Variants in IL1RAPL1 observed in about 807,000 individuals in gnomAD.
IL1RAPL1 encodes the protein interleukin-1 receptor accessory protein-like 1.
In IL1RAPL1, 3 loss-of-function variants were observed where a neutral mutation model predicts 48.4. The ratio of observed to expected loss-of-function variants is 0.06; its 90% confidence interval spans 0.03 to 0.16. IL1RAPL1 has a LOEUF of 0.16. Among genes scored for constraint, IL1RAPL1 ranks in the 10% least tolerant of loss-of-function variants. The pLI is 1.00. For synonymous variants in IL1RAPL1, 185 were observed against 187.7 expected (o/e 0.99, Z 0.12); for missense variants, 349 against 530.6 (o/e 0.66, Z 3.36).
rs565407621 is a variant in IL1RAPL1 at position 28,720,988 on chromosome X, C to G, written c.-24-68332C>G. ...ATGTGCCACATTTTCTTAATCCAGT[C>G]TATCATTGATGGACATTTGGGTTGG... On this transcript the variant is annotated intron_variant, in intron 1 of 10. Transcript: ENST00000378993. Among the ~76,000 whole-genome samples the G allele has an allele frequency of 3.2e-3, 361 of 112,374 alleles. 1 individual carries two copies. In the Middle Eastern group the frequency reaches 0.032, roughly 10 times the overall value.
At chrX:29,273,039 T>C (rs1163489697) in intron 2 of IL1RAPL1, among the ~76,000 whole-genome samples, 1 of 112,041 alleles carries the variant, frequency 8.9e-6, no homozygotes, top group Non-Finnish European at 1.9e-5. Context: ...TGTGTCTTTT[T>C]ATTGTATTCC....
chrX:29,595,169 T>A (rs1923501274), intron 5 of IL1RAPL1, among the ~76,000 whole-genome samples: 1 of 112,402 alleles, frequency 8.9e-6, no homozygotes, highest in African/African-American at 3.2e-5. Flanking sequence ...TTCCATAATT[T>A]TGCAATTGCA....
At chrX:29,805,028 A>T (rs188491329) in intron 6 of IL1RAPL1, among the ~76,000 whole-genome samples, 69 of 112,741 alleles carry the variant, frequency 6.1e-4, no homozygotes, top group African/African-American at 2.1e-3. Context: ...ATGTCCTGCT[A>T]GCTTAGGAAG....
At chrX:29,391,600 G>C (rs1296705776) in intron 3 of IL1RAPL1, among the ~76,000 whole-genome samples, 3 of 111,440 alleles carry the variant, frequency 2.7e-5, no homozygotes, top group African/African-American at 9.8e-5. Flanking sequence ...GAAAACTTGG[G>C]TCATTAAAGT....
At chrX:29,734,538 A>G (rs1928000170) in intron 6 of IL1RAPL1, among the ~76,000 whole-genome samples, 1 of 112,047 alleles carries the variant, frequency 8.9e-6, no homozygotes, top group Non-Finnish European at 1.9e-5. Context: ...GAAGAAGAAA[A>G]TGAGTTGACA....
chrX:28,762,904 A>G (rs1936194085), intron 1 of IL1RAPL1, among the ~76,000 whole-genome samples: 1 of 110,187 alleles, frequency 9.1e-6, no homozygotes, highest in Non-Finnish European at 1.9e-5. Flanking sequence ...AATTACAGAA[A>G]TGAGGTATTT....
chrX:29,248,247 C>A (rs1224276190), intron 2 of IL1RAPL1, among the ~76,000 whole-genome samples: 4 of 110,707 alleles, frequency 3.6e-5, no homozygotes, highest in Non-Finnish European at 7.6e-5. Flanking sequence ...GAAACCCCCT[C>A]CCTACTAAAA....
chrX:29,792,566 A>G (rs1929661287), intron 6 of IL1RAPL1, among the ~76,000 whole-genome samples: 1 of 111,315 alleles, frequency 9.0e-6, no homozygotes, highest in Non-Finnish European at 1.9e-5. Flanking sequence ...AGGATCTTAA[A>G]AGGTATTTTG....
intron 1 of IL1RAPL1, among the ~76,000 whole-genome samples, chrX:28,733,448 C>T (rs1218141460): frequency 9.0e-6 from 1 of 110,819 alleles, no homozygotes; most frequent in Admixed American, 9.7e-5. Flanking sequence ...ACCACTCCAA[C>T]TAAACTATTC....
chrX:28,809,192 T>C (rs1301265858), intron 2 of IL1RAPL1, among the ~76,000 whole-genome samples: 2 of 110,456 alleles, frequency 1.8e-5, no homozygotes, highest in African/African-American at 6.5e-5. Context: ...TTTCATTTAA[T>C]ACTCATTCAA....
intron 5 of IL1RAPL1, among the ~76,000 whole-genome samples, chrX:29,639,071 A>G (rs982176722): frequency 8.2e-5 from 9 of 109,258 alleles, no homozygotes; most frequent in African/African-American, 2.7e-4. Flanking sequence ...CTGTAGTCCC[A>G]GCTACTCGGT....
intron 2 of IL1RAPL1, among the ~76,000 whole-genome samples, chrX:29,223,214 G>T: frequency 9.0e-6 from 1 of 111,508 alleles, no homozygotes; most frequent in Non-Finnish European, 1.9e-5. Flanking sequence ...GACTTACAAG[G>T]TTTTTCATCA....
At chrX:28,792,468 G>A (rs1233912817) in intron 2 of IL1RAPL1, among the ~76,000 whole-genome samples, 1 of 109,165 alleles carries the variant, frequency 9.2e-6, no homozygotes, top group African/African-American at 3.3e-5. Flanking sequence ...CAGTCCCATC[G>A]CTGTTAATTT....
chrX:29,954,243 A>C (rs1933373113), intron 9 of IL1RAPL1, among the ~76,000 whole-genome samples: 1 of 84,740 alleles, frequency 1.2e-5, no homozygotes, highest in Non-Finnish European at 2.6e-5. Flanking sequence ...CCCAAAAAAA[A>C]AAAAAAAAAA....
chrX:29,839,836 A>G (rs112448121), intron 6 of IL1RAPL1, among the ~76,000 whole-genome samples: 5,513 of 112,006 alleles, frequency 0.049, 323 homozygotes, highest in African/African-American at 0.17. Context: ...CAGGAGGATC[A>G]CTTGAGCCCA....
chrX:28,626,142 G>A (rs1934338760), intron 1 of IL1RAPL1, among the ~76,000 whole-genome samples: 1 of 110,986 alleles, frequency 9.0e-6, no homozygotes, highest in African/African-American at 3.3e-5. Flanking sequence ...TTCAGAAGTA[G>A]GCCAGAAAAT....
chrX:29,059,979 C>G (rs974418077), intron 2 of IL1RAPL1, among the ~76,000 whole-genome samples: 5 of 111,754 alleles, frequency 4.5e-5, no homozygotes, highest in African/African-American at 1.3e-4. Flanking sequence ...ATGGTTTACT[C>G]AATGTCAGTT....
intron 7 of IL1RAPL1, among the ~76,000 whole-genome samples, chrX:29,918,106 G>T (rs189682471): frequency 1.8e-4 from 9 of 50,126 alleles, no homozygotes; most frequent in Admixed American, 3.6e-4. Context: ...CTGAACAACA[G>T]AGTGAGACTC....
intron 1 of IL1RAPL1, among the ~76,000 whole-genome samples, chrX:28,727,448 G>T (rs1935691250): frequency 9.5e-6 from 1 of 104,745 alleles, no homozygotes; most frequent in Admixed American, 1.1e-4. Context: ...AGACAATGGG[G>T]TTTTCTAGAT....
Sources: allele counts gnomAD v4.1 joint callset (sites outside exome capture counted in the v4.1 genomes callset), GRCh38; gene constraint gnomAD v4.1.1; transcripts MANE v1.5; gene names NCBI Gene and HGNC (gene_info 2026-07-23, HGNC 2026-07-21).